Variants in CNTN4 observed in about 807,000 individuals in gnomAD.
CNTN4 encodes the protein contactin-4.
In CNTN4, 77 loss-of-function variants were observed where a neutral mutation model predicts 122.5. The ratio of observed to expected loss-of-function variants is 0.63; its 90% CI spans 0.52 to 0.76. The LOEUF (loss-of-function observed/expected upper bound fraction) is 0.76. CNTN4 is among the 30% of genes least tolerant of loss of function. The pLI is 0.00. For missense variants in CNTN4, 1,256 were observed against 1,259.1 expected (o/e 1.00, Z 0.04); for synonymous variants, 512 against 447.0 (o/e 1.15, Z -1.83).
At chr3:2,667,497 T>C (rs1340630951) in intron 4 of CNTN4, among the ~76,000 whole-genome samples, 1 of 152,186 alleles carries the variant, frequency 6.6e-6, no homozygotes, top group East Asian at 1.9e-4. Flanking sequence ...ATTAGCCCTT[T>C]GTCAGATGAG....
At chr3:2,181,346 A>T (rs2037006594) in intron 2 of CNTN4, among the ~76,000 whole-genome samples, 2 of 152,090 alleles carry the variant, frequency 1.3e-5, no homozygotes, top group Admixed American at 1.3e-4. Flanking sequence ...AGGTGATGAG[A>T]TGTCAGTGAT....
intron 3 of CNTN4, among the ~76,000 whole-genome samples, chr3:2,386,383 T>G (rs1417671913): frequency 6.6e-6 from 1 of 152,228 alleles, no homozygotes; most frequent in Non-Finnish European, 1.5e-5. Context: ...CCTGTTTTAC[T>G]GTAATCACTT....
chr3:3,041,977 C>A (rs983151301), intron 20 of CNTN4, among the ~76,000 whole-genome samples: 10 of 152,088 alleles, frequency 6.6e-5, no homozygotes, highest in Non-Finnish European at 1.5e-5. Flanking sequence ...AAAAGAGAAG[C>A]AGTTTAGCCA....
In CNTN4 at chr3:2,629,954, T is replaced by C. The variant is rs139777388; in HGVS notation, c.55+58396T>C. Among the ~76,000 whole-genome samples the C allele has an allele frequency of 1.6e-4, 24 of 152,320 alleles. No individual in the cohort carries two copies. In the East Asian group the frequency reaches 4.6e-3, roughly 29 times the overall value. The stretch of plus-strand genomic sequence containing the variant: ...AATATAACTTTCATCCTCTGCTAAG[T>C]TATCATTTCTCTTTACCTGGAGCCA... On this transcript the variant is annotated intron_variant, in intron 4 of 24. Transcript: ENST00000418658.
At chr3:2,847,507 C>T (rs535549132) in intron 7 of CNTN4, among the ~76,000 whole-genome samples, 5 of 152,284 alleles carry the variant, frequency 3.3e-5, no homozygotes, top group South Asian at 2.1e-4. Flanking sequence ...GATGGCACAT[C>T]AGGAGGTGAT....
chr3:2,841,485 A>C lies in CNTN4; in HGVS notation c.454+21904A>C, dbSNP rs1352422291. ...TCCCACTATAATTATCTACAGATTT[A>C]TGAAGACCGAGTCAAGGGTTCCATT... On this transcript the variant is annotated intron_variant, in intron 7 of 24. Transcript: ENST00000418658. The surrounding 1 kb of genome is among the most constrained non-coding windows in gnomAD (Gnocchi z 4.8). 6.6e-6 allele frequency among the ~76,000 whole-genome samples: 1 copy of C among 152,238 alleles called. No individual in the cohort carries two copies. Among genetic ancestry groups the C allele is most frequent in the Non-Finnish European group, 1.5e-5 (1 of 68,040 alleles).
At chr3:2,215,673 G>T (rs936593242) in intron 2 of CNTN4, among the ~76,000 whole-genome samples, 1 of 152,048 alleles carries the variant, frequency 6.6e-6, no homozygotes, top group Non-Finnish European at 1.5e-5. Flanking sequence ...ATGAGGTCAG[G>T]AGATCGAGAC....
chr3:2,156,208 T>C (rs1465767971), intron 2 of CNTN4, among the ~76,000 whole-genome samples: 1 of 152,202 alleles, frequency 6.6e-6, no homozygotes, highest in African/African-American at 2.4e-5. Flanking sequence ...CCTGCCTCAG[T>C]GCTTCCATAA....
At chr3:2,521,343 T>TCGGCCCC (rs781282977) in intron 3 of CNTN4, among the ~76,000 whole-genome samples, 12 of 128,298 alleles carry the variant, frequency 9.4e-5, no homozygotes, top group South Asian at 5.1e-4. Flanking sequence ...CCTCTACCCA[T>TCGGCCCC]CCCCCCCACC....
intron 6 of CNTN4, among the ~76,000 whole-genome samples, chr3:2,779,392 T>C (rs1576760058): frequency 6.6e-6 from 1 of 152,160 alleles, no homozygotes; most frequent in Admixed American, 6.5e-5. Flanking sequence ...AGAGGCTGGG[T>C]TTCACCATGT....
intron 3 of CNTN4, among the ~76,000 whole-genome samples, chr3:2,429,148 A>C (rs1471213801): frequency 1.3e-5 from 2 of 152,194 alleles, no homozygotes; most frequent in Non-Finnish European, 2.9e-5. Context: ...TTTGAAGGCA[A>C]AGAGGCCCTC....
At chr3:2,601,839 C>G (rs1253293991) in intron 4 of CNTN4, among the ~76,000 whole-genome samples, 1 of 152,008 alleles carries the variant, frequency 6.6e-6, no homozygotes, top group African/African-American at 2.4e-5. Flanking sequence ...TGCAAAAATT[C>G]TCAATAAAAT....
chr3:2,344,465 A>T (rs1408817870), intron 3 of CNTN4, among the ~76,000 whole-genome samples: 2 of 151,954 alleles, frequency 1.3e-5, no homozygotes, highest in Non-Finnish European at 2.9e-5. Flanking sequence ...TTTTTAGTAG[A>T]GATGGGGTTT....
intron 7 of CNTN4, among the ~76,000 whole-genome samples, chr3:2,853,732 C>T (rs546549552): frequency 1.3e-4 from 20 of 152,320 alleles, no homozygotes; most frequent in African/African-American, 3.6e-4. Context: ...CGCTCGCTCT[C>T]TGTTTTGGCG....
At chr3:2,422,999 C>G (rs2151122672) in intron 3 of CNTN4, among the ~76,000 whole-genome samples, 1 of 152,300 alleles carries the variant, frequency 6.6e-6, no homozygotes, top group African/African-American at 2.4e-5. Flanking sequence ...TAGTTGCCCT[C>G]TTTTTCACAT....
At chr3:2,341,407 C>T (rs1188730820) in intron 3 of CNTN4, among the ~76,000 whole-genome samples, 1 of 152,182 alleles carries the variant, frequency 6.6e-6, no homozygotes, top group Admixed American at 6.5e-5. Context: ...CATGGTATTC[C>T]AAGAACCTAG....
At chr3:2,431,419 T>G (rs1323781567) in intron 3 of CNTN4, among the ~76,000 whole-genome samples, 1 of 152,230 alleles carries the variant, frequency 6.6e-6, no homozygotes, top group African/African-American at 2.4e-5. Context: ...AAAATTATCT[T>G]CCTTTATGGA....
chr3:2,874,427 G>A (rs76336540), intron 8 of CNTN4, among the ~76,000 whole-genome samples: 2,697 of 152,234 alleles, frequency 0.018, 88 homozygotes, highest in African/African-American at 0.061. Context: ...GGGAAGCAGA[G>A]GTGTTTAGCC....
At position 2,237,986 on chromosome 3, in the gene CNTN4, C is replaced by T. The variant is rs370387778; in HGVS notation, c.-144-101192C>T. Among the ~76,000 whole-genome samples the T allele has an allele frequency of 6.6e-5, 10 of 151,860 alleles. No individual in the cohort carries two copies. In the South Asian group the frequency reaches 2.1e-3, roughly 32 times the overall value. On this transcript the variant is annotated intron_variant, in intron 2 of 24. Coordinates refer to ENST00000418658, the MANE Select transcript of CNTN4 (RefSeq NM_175607.3). ...AATAAAATCAGGTCCTCTGTAAATC[C>T]AGTGAAGAACGTTTTTTAACATGAC... is the stretch of plus-strand genomic sequence containing the variant.
Sources: allele counts gnomAD v4.1 joint callset (sites outside exome capture counted in the v4.1 genomes callset), GRCh38; gene constraint gnomAD v4.1.1; non-coding constraint Gnocchi (gnomAD v3.1); transcripts MANE v1.5; gene names NCBI Gene and HGNC (gene_info 2026-07-23, HGNC 2026-07-21).